Variants in PPFIBP1 observed in about 807,000 individuals in gnomAD.
The protein encoded by PPFIBP1 is liprin-beta-1.
PPFIBP1 carries 112 observed loss-of-function variants against 137.8 expected under a neutral mutation model. That is an observed-to-expected ratio of 0.81 (90% CI 0.70 to 0.95). PPFIBP1 has a LOEUF of 0.95. Among genes scored for constraint, PPFIBP1 ranks in the 40% least tolerant of loss-of-function variants. PPFIBP1 has a pLI of 0.00. For missense variants in PPFIBP1, 1,083 were observed against 1,196.6 expected (o/e 0.91, Z 1.40); for synonymous variants, 378 against 417.3 (o/e 0.91, Z 1.15).
chr12:27,559,333 T>A (rs2048972903), intron 1 of PPFIBP1, among the ~76,000 whole-genome samples: 1 of 152,146 alleles, frequency 6.6e-6, no homozygotes, highest in Non-Finnish European at 1.5e-5. Flanking sequence ...CAAGCCTGGC[T>A]AATTTTTGTA....
chr12:27,594,406 C>G (rs755046281), intron 2 of PPFIBP1, among the ~76,000 whole-genome samples: 5 of 151,998 alleles, frequency 3.3e-5, no homozygotes, highest in Admixed American at 3.3e-4. Context: ...TTGAACTCCT[C>G]ACCTCAGGTG....
intron 1 of PPFIBP1, among the ~76,000 whole-genome samples, chr12:27,570,688 A>C (rs1437866714): frequency 6.6e-6 from 1 of 152,066 alleles, no homozygotes. Flanking sequence ...AGGTGGGCAG[A>C]TCATGAGGTC....
At chr12:27,660,152 A>G (rs2059452165) in intron 10 of PPFIBP1, among the ~76,000 whole-genome samples, 1 of 152,122 alleles carries the variant, frequency 6.6e-6, no homozygotes, top group South Asian at 2.1e-4. Context: ...TTGGCCTCCC[A>G]AAGTGCTGGG....
At chr12:27,621,545 A>G (rs917252149) in intron 2 of PPFIBP1, among the ~76,000 whole-genome samples, 11 of 152,218 alleles carry the variant, frequency 7.2e-5, no homozygotes, top group African/African-American at 2.2e-4. Flanking sequence ...TTGAAGTTTC[A>G]GGGCTCTGGT....
At chr12:27,584,083 C>T (rs2051422504) in intron 2 of PPFIBP1, 1 of 152,344 alleles carries the variant, frequency 6.6e-6, no homozygotes. Flanking sequence ...TTTTTGCCAA[C>T]TGATCAATAC....
In PPFIBP1 at chr12:27,654,690, C is replaced by T. The variant is rs762722788; in HGVS notation, c.604-32C>T. ...GTATAGGTAACTGTGTTACCACTTT[C>T]CTAATGTACTTTCTTGTTTCTTCTT... On this transcript the variant is annotated intron_variant, in intron 7 of 29. Transcript: ENST00000228425. 58 of 1,600,820 alleles carry T rather than the reference C, an allele frequency of 3.6e-5. 1 individual carries two copies. In the South Asian group the frequency reaches 6.6e-4, roughly 18 times the overall value.
intron 2 of PPFIBP1, among the ~76,000 whole-genome samples, chr12:27,595,577 G>A (rs1406191077): frequency 6.6e-6 from 1 of 152,076 alleles, no homozygotes; most frequent in Middle Eastern, 3.2e-3. Context: ...GCCCTAGGCC[G>A]GGCGCAGTGG....
At position 27,679,548 on chromosome 12, in the gene PPFIBP1, A is replaced by G. The variant is rs2060758276; in HGVS notation, c.1675A>G (p.Lys559Glu). The G allele has an allele frequency of 1.9e-6, 3 of 1,614,010 alleles. No individual in the cohort carries two copies. The highest frequency in any genetic ancestry group is 2.2e-5 in the South Asian group (2 of 91,076). The change falls in exon 20 of 30, where the codon AAA (lysine) becomes GAA (glutamate). Residue 559 changes from lysine to glutamate, a missense_variant. Lys to Glu is a moderately conservative substitution (Grantham distance 56). Transcript: ENST00000228425. ...TCTGGCTGGTGCTTCTTCTCGGCCA[A>G]AAGATTCACAGAGGAACAGTCCCTT... Reference protein sequence around the residue: ...LDLAGASSRPKDSQRNSPFQI... With the variant: ...LDLAGASSRPEDSQRNSPFQI...
chr12:27,549,837 G>C (rs1157935721), intron 1 of PPFIBP1, among the ~76,000 whole-genome samples: 3 of 152,130 alleles, frequency 2.0e-5, no homozygotes, highest in African/African-American at 7.2e-5. Flanking sequence ...TGGTGTAGGA[G>C]GGTCTGACAC....
intron 1 of PPFIBP1, among the ~76,000 whole-genome samples, chr12:27,557,953 T>C (rs1303922764): frequency 1.3e-5 from 2 of 152,252 alleles, no homozygotes; most frequent in South Asian, 2.1e-4. Context: ...TGGGAGCAGA[T>C]CACTTGGTTG....
At chr12:27,592,418 A>C (rs2052631305) in intron 2 of PPFIBP1, 1 of 707,522 alleles carries the variant, frequency 1.4e-6, no homozygotes, top group Non-Finnish European at 2.3e-6. Flanking sequence ...ATCCTATCTT[A>C]TGGATTATTT....
At chr12:27,670,131 C>T (rs1200520090) in intron 13 of PPFIBP1, among the ~76,000 whole-genome samples, 1 of 151,644 alleles carries the variant, frequency 6.6e-6, no homozygotes, top group African/African-American at 2.4e-5. Flanking sequence ...TTTTTTTTTA[C>T]TGAAATATTT....
At chr12:27,558,262 T>TTTTCG (rs79754714) in intron 1 of PPFIBP1, among the ~76,000 whole-genome samples, 1 of 148,176 alleles carries the variant, frequency 6.7e-6, no homozygotes, top group Admixed American at 6.7e-5. Flanking sequence ...CTGGGTTTTT[T>TTTTCG]TTTTGTTTTG....
chr12:27,630,420 G>C (rs1382133796), intron 2 of PPFIBP1, among the ~76,000 whole-genome samples: 1 of 151,972 alleles, frequency 6.6e-6, no homozygotes, highest in Non-Finnish European at 1.5e-5. Flanking sequence ...CTGATGTGTA[G>C]TTTTTAAATA....
chr12:27,676,300 T>C, intron 17 of PPFIBP1, 128 bp from the exon 18 acceptor site: 2 of 642,858 alleles, frequency 3.1e-6, no homozygotes, highest in Non-Finnish European at 4.7e-6. Flanking sequence ...TGGTGATCAA[T>C]GTATTAGTTC....
chr12:27,601,405 C>G (rs980299618), intron 2 of PPFIBP1, among the ~76,000 whole-genome samples: 5 of 152,130 alleles, frequency 3.3e-5, no homozygotes, highest in African/African-American at 1.2e-4. Context: ...CAAACAGATA[C>G]AACCTTATCA....
intron 1 of PPFIBP1, among the ~76,000 whole-genome samples, chr12:27,535,992 G>A (rs1935125652): frequency 6.6e-6 from 1 of 152,166 alleles, no homozygotes; most frequent in Non-Finnish European, 1.5e-5. Flanking sequence ...AGTAACATGA[G>A]AAAGAGATAA....
chr12:27,671,240 C>T (rs2060183766), intron 13 of PPFIBP1, among the ~76,000 whole-genome samples, 191 bp from the exon 14 acceptor site: 1 of 152,178 alleles, frequency 6.6e-6, no homozygotes, highest in Admixed American at 6.5e-5. Flanking sequence ...TTTCCTTCCT[C>T]CAGAATGATT....
chr12:27,597,571 A>G (rs2053464653), intron 2 of PPFIBP1, among the ~76,000 whole-genome samples: 1 of 152,196 alleles, frequency 6.6e-6, no homozygotes. Flanking sequence ...CTGGGGGCCT[A>G]AAAAACAATT....
Sources: gnomAD v4.1 joint callset for allele counts (sites outside exome capture counted in the v4.1 genomes callset) on GRCh38, gnomAD v4.1.1 for gene constraint, MANE v1.5 for transcripts, NCBI Gene and HGNC (gene_info 2026-07-23, HGNC 2026-07-21) for gene names.